Variants in ATRNL1 observed in about 807,000 individuals in gnomAD.
ATRNL1 encodes the protein attractin-like protein 1.
Under a neutral mutation model 182.7 loss-of-function variants are expected in ATRNL1, and 95 were observed. The ratio of observed to expected loss-of-function variants is 0.52; its 90% CI spans 0.44 to 0.62. The LOEUF is 0.62. ATRNL1 is among the 20% of genes least tolerant of loss of function. The pLI, the probability that ATRNL1 is intolerant of heterozygous loss-of-function variation, is 0.00. For synonymous variants in ATRNL1, 576 were observed against 568.3 expected, an observed-to-expected ratio of 1.01 and a Z score of -0.19; for missense variants, 1,471 against 1,679.5, an observed-to-expected ratio of 0.88 and a Z score of 2.17.
intron 28 of ATRNL1, among the ~76,000 whole-genome samples, chr10:115,914,237 T>C (rs1480749170): frequency 1.3e-5 from 2 of 152,202 alleles, no homozygotes; most frequent in African/African-American, 4.8e-5. Flanking sequence ...CAATTAAACC[T>C]CTTTTCTTTG....
intron 4 of ATRNL1, among the ~76,000 whole-genome samples, chr10:115,128,669 AC>A (rs1554874217): frequency 6.6e-6 from 1 of 152,064 alleles, no homozygotes. Flanking sequence ...TACTAAAAAT[AC>A]AAAAAAATTA....
chr10:115,753,145 A>G lies in ATRNL1; in HGVS notation c.3903+25790A>G, dbSNP rs1205341909. On this transcript the variant is annotated intron_variant, in intron 27 of 28. Coordinates refer to ENST00000355044, the MANE Select transcript of ATRNL1 (RefSeq NM_207303.4). ...GAAGATTTGATGTTATTAATCACATATTTTTGATAATAAAAATTCTCTTTA... is the reference window on the plus strand; with the variant it reads ...GAAGATTTGATGTTATTAATCACATGTTTTTGATAATAAAAATTCTCTTTA... Among the ~76,000 whole-genome samples, 6 of 151,988 alleles carry G rather than the reference A, an allele frequency of 3.9e-5. No homozygotes were observed. The South Asian group carries it at 8.3e-4, about 21-fold the overall frequency.
chr10:115,532,263 A>G (rs1411749677), intron 25 of ATRNL1, among the ~76,000 whole-genome samples: 1 of 152,212 alleles, frequency 6.6e-6, no homozygotes, highest in African/African-American at 2.4e-5. Context: ...ACCCATGAGC[A>G]TGGAATGTTC....
rs190215335 is a variant in ATRNL1, at chr10:115,320,745, G to C, written c.3037+5009G>C. On this transcript the variant is annotated intron_variant, in intron 18 of 28. Transcript: ENST00000355044. Reference sequence around the variant, plus strand: ...TGCTGTTTTTTTTTCAGCTCCATCAGATATTTATGTTTCTCTCTAAACTGG... The same window carrying C: ...TGCTGTTTTTTTTTCAGCTCCATCACATATTTATGTTTCTCTCTAAACTGG... Among the ~76,000 whole-genome samples the C allele has an allele frequency of 6.6e-3, 1,002 of 151,978 alleles. 11 individuals carry two copies. Among genetic ancestry groups the C allele is most frequent in the African/African-American group, 0.023 (947 of 41,452 alleles).
chr10:115,587,912 AAGGAG>A (rs66536385), intron 26 of ATRNL1, among the ~76,000 whole-genome samples: 71,667 of 151,262 alleles, frequency 0.47, 18,368 homozygotes, highest in East Asian at 0.84. Context: ...GTAATGGAGA[AAGGAG>A]AGGAGAGGAG....
chr10:115,879,035 A>G (rs1267352579), intron 28 of ATRNL1, among the ~76,000 whole-genome samples: 1 of 148,612 alleles, frequency 6.7e-6, no homozygotes, highest in Non-Finnish European at 1.5e-5. Context: ...AGGTTTATGT[A>G]TGTGCATTCA....
intron 19 of ATRNL1, 57 bp from the exon 20 acceptor site, chr10:115,394,602 G>T (rs1161746965): frequency 7.7e-7 from 1 of 1,300,662 alleles, no homozygotes; most frequent in Non-Finnish European, 1.1e-6. Context: ...CTTGAAATGT[G>T]AAATGTGCAT....
intron 25 of ATRNL1, among the ~76,000 whole-genome samples, chr10:115,539,794 G>A (rs1554991421): frequency 1.3e-5 from 2 of 152,088 alleles, no homozygotes; most frequent in Non-Finnish European, 2.9e-5. Flanking sequence ...AATCATAGTG[G>A]AGCTCTGGCT....
intron 7 of ATRNL1, among the ~76,000 whole-genome samples, chr10:115,166,509 T>C (rs1847049615): frequency 6.6e-6 from 1 of 151,972 alleles, no homozygotes; most frequent in Non-Finnish European, 1.5e-5. Context: ...GGCTGCACCA[T>C]TTTACATTTC....
Position 115,573,931 on chromosome 10 carries a change from A to G in ATRNL1, c.3795+24395A>G, listed in dbSNP as rs1156565360. On this transcript the variant is annotated intron_variant, in intron 26 of 28. Coordinates refer to ENST00000355044, the MANE Select transcript of ATRNL1 (RefSeq NM_207303.4). ...ATGCCAGGTATGTAATTAAGAAAAG[A>G]GTTGAAAGACAAAGCTGAAAAGATA... Among the ~76,000 whole-genome samples the G allele has an allele frequency of 5.9e-5, 9 of 152,294 alleles. No homozygotes were observed. The South Asian group carries it at 1.2e-3, about 21-fold the overall frequency.
chr10:115,127,458 G>A, intron 3 of ATRNL1, 135 bp from the exon 4 acceptor site: 2 of 600,308 alleles, frequency 3.3e-6, no homozygotes, highest in South Asian at 5.8e-5. Context: ...TCTTTTAGAT[G>A]TATTCTCCTT....
chr10:115,817,964 G>A (rs1347376397), intron 27 of ATRNL1, among the ~76,000 whole-genome samples: 1 of 150,192 alleles, frequency 6.7e-6, no homozygotes, highest in Non-Finnish European at 1.5e-5. Context: ...GATGTCATTA[G>A]CCAGTGTTTT....
intron 22 of ATRNL1, among the ~76,000 whole-genome samples, chr10:115,464,518 A>G (rs1847959085): frequency 1.3e-5 from 2 of 151,976 alleles, no homozygotes; most frequent in South Asian, 2.1e-4. Flanking sequence ...CTTTTTCAGT[A>G]CAGCTTTTTA....
chr10:115,876,761 A>G (rs1394743955), intron 28 of ATRNL1, among the ~76,000 whole-genome samples: 2 of 152,158 alleles, frequency 1.3e-5, no homozygotes, highest in Non-Finnish European at 2.9e-5. Flanking sequence ...ATTTTTTAGT[A>G]ATTTGTGTTT....
chr10:115,451,482 T>C (rs681544), intron 21 of ATRNL1, among the ~76,000 whole-genome samples: 17,671 of 152,136 alleles, frequency 0.12, 3,401 homozygotes, highest in African/African-American at 0.4. Context: ...AAAAAAGACA[T>C]ACATGTGGCC....
intron 28 of ATRNL1, among the ~76,000 whole-genome samples, chr10:115,870,709 A>T (rs1951559179): frequency 6.6e-6 from 1 of 152,212 alleles, no homozygotes; most frequent in Non-Finnish European, 1.5e-5. Flanking sequence ...AAACGCAGTA[A>T]AACATTAAAA....
chr10:115,365,453 G>C (rs1486644757), intron 19 of ATRNL1, among the ~76,000 whole-genome samples: 2 of 151,448 alleles, frequency 1.3e-5, no homozygotes, highest in Non-Finnish European at 2.9e-5. Flanking sequence ...GAATTTTGTT[G>C]ATCCTTTCAA....
At chr10:115,139,583 A>G (rs1320170829) in intron 5 of ATRNL1, among the ~76,000 whole-genome samples, 2 of 152,184 alleles carry the variant, frequency 1.3e-5, no homozygotes, top group East Asian at 3.9e-4. Flanking sequence ...AGCACAGGAA[A>G]GACCTACCCC....
intron 18 of ATRNL1, among the ~76,000 whole-genome samples, chr10:115,319,942 A>G (rs559477308): frequency 6.6e-6 from 1 of 151,030 alleles, no homozygotes. Context: ...TCATGATGCT[A>G]TCTGGTTATT....
Sources: allele counts gnomAD v4.1 joint callset (sites outside exome capture counted in the v4.1 genomes callset), GRCh38; gene constraint gnomAD v4.1.1; transcripts MANE v1.5; gene names NCBI Gene and HGNC (gene_info 2026-07-23, HGNC 2026-07-21).